The following CARF variants were observed in gnomAD, a reference collection of about 807,000 sequenced individuals.
CARF encodes calcium-responsive transcription factor.
Under a neutral mutation model 82.0 loss-of-function variants are expected in CARF, and 57 were observed. The observed-to-expected ratio is 0.70, with a 90% CI of 0.56 to 0.87. The LOEUF (loss-of-function observed/expected upper bound fraction) is 0.87. Ranked by LOEUF, CARF falls within the 40% of genes least tolerant of loss-of-function variation. CARF has a pLI of 0.00. For synonymous variants in CARF, 268 were observed against 290.1 expected (o/e 0.92, Z 0.77); for missense variants, 771 against 855.8 (o/e 0.90, Z 1.24).
intron 14 of CARF, among the ~76,000 whole-genome samples, chr2:202,977,553 A>G (rs1197554464): frequency 6.6e-6 from 1 of 152,214 alleles, no homozygotes; most frequent in African/African-American, 2.4e-5. Flanking sequence ...TTTGAAGCTG[A>G]TAACTAGCAC....
In CARF at chr2:202,971,534, C is replaced by T; in HGVS notation, c.1127C>T (p.Ala376Val). 6.2e-7 allele frequency: 1 copy of T among 1,612,986 alleles called. No homozygotes were observed. Among genetic ancestry groups the T allele is most frequent in the Non-Finnish European group, 8.5e-7 (1 of 1,179,312 alleles). ...RWYVQLPTQQ[A>V]HQYHELETPC... ...TATGTACAGTTACCTACACAGCAAG[C>T]TCATCAGTATCATGAATTAGAGACT... Residue 376 changes from alanine to valine, a missense_variant, in exon 12 of 17, where the codon GCT becomes GTT. Physicochemically the swap from Ala to Val is moderately conservative, Grantham distance 64. Coordinates refer to ENST00000438828, the MANE Select transcript of CARF (RefSeq NM_024744.17).
chr2:202,972,730 A>G (rs764480747), intron 12 of CARF, among the ~76,000 whole-genome samples: 1 of 150,764 alleles, frequency 6.6e-6, no homozygotes, highest in Non-Finnish European at 1.5e-5. Context: ...GCCTAACGCT[A>G]TATAGCCTGT....
In CARF at chr2:202,961,831, C is replaced by G. The variant is rs766950744; in HGVS notation, c.832+405C>G. The G allele has an allele frequency of 4.2e-4, 102 of 243,906 alleles. 2 individuals carry two copies. The highest frequency in any genetic ancestry group is 3.1e-3 in the Middle Eastern group (2 of 642). 15.1% of individuals were successfully genotyped at this position (243,906 alleles called of 1,614,324 possible). A position where few individuals can be genotyped will look rare whatever the true frequency, so the allele number is the denominator to read the frequency against. On this transcript the variant is annotated intron_variant, in intron 9 of 16. Coordinates refer to ENST00000438828, the MANE Select transcript of CARF (RefSeq NM_024744.17). The stretch of plus-strand genomic sequence containing the variant: ...TATGTCTATTTTATGTAGCTTGTAA[C>G]TCTGGAGTTACTGTATAGAATTTGT...
intron 12 of CARF, chr2:202,973,398 C>A (rs546331983): frequency 1.2e-4 from 50 of 421,370 alleles, no homozygotes; most frequent in African/African-American, 9.6e-4. Context: ...TTTATCATTT[C>A]TTTTATATAT....
intron 2 of CARF, among the ~76,000 whole-genome samples, chr2:202,919,881 G>A (rs1443276590): frequency 6.6e-6 from 1 of 152,104 alleles, no homozygotes; most frequent in Non-Finnish European, 1.5e-5. Flanking sequence ...TATGTAAATT[G>A]GAACAGGTAA....
At position 202,961,375 on chromosome 2, in the gene CARF, A is replaced by G; in HGVS notation, c.781A>G (p.Met261Val). Residue 261 changes from methionine to valine, a missense_variant, in exon 9 of 17, where the codon ATG (methionine) becomes GTG (valine). Physicochemically the swap from Met to Val is conservative, Grantham distance 21. Coordinates refer to ENST00000438828, the MANE Select transcript of CARF (RefSeq NM_024744.17). ...PSPAKPATRL[M>V]WKSQYVPYDG... ...CCCAGCCAAGCCTGCTACACGCTTG[A>G]TGTGGAAATCCCAGTATGTTCCATA... 1.2e-6 allele frequency: 2 copies of G among 1,614,230 alleles called. No individual in the cohort carries two copies. The highest frequency in any genetic ancestry group is 1.7e-6 in the Non-Finnish European group (2 of 1,180,044).
chr2:202,969,621 G>A (rs1276491841), intron 10 of CARF, among the ~76,000 whole-genome samples: 3 of 147,794 alleles, frequency 2.0e-5, no homozygotes, highest in African/African-American at 5.0e-5. Flanking sequence ...AAATAAATAA[G>A]TAATCCAGGC....
At chr2:202,978,249 G>C (rs967219426) in intron 14 of CARF, among the ~76,000 whole-genome samples, 2 of 152,150 alleles carry the variant, frequency 1.3e-5, no homozygotes. Context: ...AGAGAATAAA[G>C]GACTTACTAG....
In CARF at chr2:202,986,899, T is replaced by TATAC. The variant is rs2060467443; in HGVS notation, c.*3278_*3279insCATA. ...ATATATATATATATATATATATATATATATATATAGCAACTTGATGTATAG... is the reference window on the plus strand; with the variant it reads ...ATATATATATATATATATATATATATATACATATATATAGCAACTTGATGTATAG... On this transcript the variant is annotated 3_prime_UTR_variant, in exon 17 of 17. Coordinates refer to ENST00000438828, the MANE Select transcript of CARF (RefSeq NM_024744.17). The TATAC allele has an allele frequency of 2.2e-5, 3 of 138,124 alleles. No homozygotes were observed. The highest frequency in any genetic ancestry group is 7.5e-5 in the Admixed American group (1 of 13,246). The allele number at this position is 138,124 out of a possible 1,614,324, so 8.6% of individuals were successfully genotyped here.
At chr2:202,952,788 G>T in intron 6 of CARF, 109 bp downstream of exon 6, 2 of 1,102,738 alleles carry the variant, frequency 1.8e-6, no homozygotes, top group South Asian at 2.3e-5. Flanking sequence ...TTAGGTAAAA[G>T]ATTATGAATT....
At chr2:202,982,462 GA>G (rs2060305453) in intron 16 of CARF, 21 bp downstream of exon 16, 1 of 1,611,910 alleles carries the variant, frequency 6.2e-7, no homozygotes, top group Non-Finnish European at 8.5e-7. Context: ...ATCAATTTAT[GA>G]TGTTATTGTT....
In CARF at chr2:202,977,292, G is replaced by C. The variant is rs6721180; in HGVS notation, c.1518G>C (p.Gly506=). The C allele has an allele frequency of 6.2e-7, 1 of 1,612,474 alleles. No homozygotes were observed. Among genetic ancestry groups the C allele is most frequent in the Non-Finnish European group, 8.5e-7 (1 of 1,179,200 alleles). The change falls in exon 14 of 17, where the codon GGG becomes GGC. Residue 506 remains glycine, a synonymous_variant. Transcript: ENST00000438828. ...AGCTTCAATGGACTACAGACAGTGGGAATATTCTCAAAGAGACCATGACAG... is the reference window on the plus strand; with the variant it reads ...AGCTTCAATGGACTACAGACAGTGGCAATATTCTCAAAGAGACCATGACAG... ...PATLQWTTDS[G]NILKETMTVT...
At chr2:202,931,223 T>C (rs922084561) in intron 3 of CARF, among the ~76,000 whole-genome samples, 17 of 152,146 alleles carry the variant, frequency 1.1e-4, no homozygotes, top group Non-Finnish European at 7.4e-5. Flanking sequence ...CCGCCTGCCT[T>C]GGCCTCCCAA....
chr2:202,930,816 C>G (rs1433484756), intron 3 of CARF, among the ~76,000 whole-genome samples: 1 of 152,052 alleles, frequency 6.6e-6, no homozygotes, highest in Non-Finnish European at 1.5e-5. Context: ...TCTACCATCC[C>G]TGAGACAGTG....
intron 2 of CARF, among the ~76,000 whole-genome samples, chr2:202,923,333 C>T (rs1057212774): frequency 2.0e-5 from 3 of 152,314 alleles, no homozygotes; most frequent in South Asian, 2.1e-4. Flanking sequence ...TGTACACCAA[C>T]AGCAGCCAAG....
At chr2:202,929,527 T>C (rs1407507416) in intron 3 of CARF, among the ~76,000 whole-genome samples, 2 of 152,218 alleles carry the variant, frequency 1.3e-5, no homozygotes, top group Admixed American at 1.3e-4. Context: ...GTTTGTTTTC[T>C]ATTCTCTTCC....
intron 3 of CARF, among the ~76,000 whole-genome samples, chr2:202,927,323 CT>C (rs146523532): frequency 4.1e-4 from 61 of 149,020 alleles, no homozygotes; most frequent in African/African-American, 6.1e-4. Flanking sequence ...TTAATTCAGT[CT>C]TTTTTTTTTC....
At chr2:202,963,111 G>A (rs1470095759) in intron 9 of CARF, 1 of 152,194 alleles carries the variant, frequency 6.6e-6, no homozygotes, top group Non-Finnish European at 1.5e-5. Context: ...GAGGTCAGGA[G>A]ATCGAGACCA....
At chr2:202,953,498 G>GTTGTTT (rs772493519) in intron 6 of CARF, among the ~76,000 whole-genome samples, 22 of 70,280 alleles carry the variant, frequency 3.1e-4, no homozygotes, top group Non-Finnish European at 3.5e-4. Context: ...TTTTTTTGTT[G>GTTGTTT]TTTTTTTTTT....
Sources: gnomAD v4.1 joint callset for allele counts (sites outside exome capture counted in the v4.1 genomes callset) on GRCh38, gnomAD v4.1.1 for gene constraint, MANE v1.5 for transcripts, NCBI Gene and HGNC (gene_info 2026-07-23, HGNC 2026-07-21) for gene names.